ELP2: variants seen among roughly 807,000 people sequenced by gnomAD.
The protein encoded by ELP2 is elongator complex protein 2.
ELP2 carries 90 observed loss-of-function variants against 119.2 expected under a neutral mutation model. The ratio of observed to expected loss-of-function variants is 0.75; its 90% CI spans 0.64 to 0.90. The LOEUF (loss-of-function observed/expected upper bound fraction) is 0.90, where lower values mean the gene tolerates loss of function less well. Among genes scored for constraint, ELP2 ranks in the 40% least tolerant of loss-of-function variants. The pLI is 0.00. For synonymous variants in ELP2, 339 were observed against 331.0 expected, an observed-to-expected ratio of 1.02 and a Z score of -0.26; for missense variants, 921 against 967.8, an observed-to-expected ratio of 0.95 and a Z score of 0.64.
In ELP2 at chr18:36,171,132, T is replaced by C. The variant is rs1407824092; in HGVS notation, c.2296T>C (p.Trp766Arg). The change falls in exon 21 of 22, where the codon TGG (tryptophan) becomes CGG (arginine). Residue 766 changes from tryptophan (W) to arginine (R), a missense_variant. Trp to Arg is a moderately radical substitution (Grantham distance 101, BLOSUM62 -3). Transcript: ENST00000358232. Reference protein sequence around the residue: ...KTDQVPEINDWTHCVETSQSQ... With the variant: ...KTDQVPEINDRTHCVETSQSQ... ...TGATCAAGTTCCAGAAATAAATGAC[T>C]GGACCCACTGTGTAGAAACAAGTCA... 29 of 1,613,578 alleles carry C rather than the reference T, an allele frequency of 1.8e-5. No homozygotes were observed. Among genetic ancestry groups the C allele is most frequent in the Admixed American group, 3.3e-5 (2 of 60,012 alleles).
At chr18:36,149,641 G>A (rs1319216150) in intron 11 of ELP2, among the ~76,000 whole-genome samples, 1 of 151,776 alleles carries the variant, frequency 6.6e-6, no homozygotes, top group East Asian at 1.9e-4. Context: ...AAAAAATATA[G>A]TCATTTTACC....
At chr18:36,173,954 A>T (rs957536286) in intron 21 of ELP2, among the ~76,000 whole-genome samples, 12 of 152,214 alleles carry the variant, frequency 7.9e-5, no homozygotes, top group Admixed American at 6.5e-4. Flanking sequence ...GCCCAAGGTC[A>T]CGCAGTTAGA....
At chr18:36,143,998 C>G (rs538245378) in intron 8 of ELP2, among the ~76,000 whole-genome samples, 1 of 152,236 alleles carries the variant, frequency 6.6e-6, no homozygotes, top group South Asian at 2.1e-4. Context: ...AACAGTATCC[C>G]TGGATGGTAG....
At chr18:36,148,728 G>A (rs192266067) in intron 11 of ELP2, among the ~76,000 whole-genome samples, 4 of 152,310 alleles carry the variant, frequency 2.6e-5, no homozygotes, top group Admixed American at 2.0e-4. Flanking sequence ...TGGGCTTGCA[G>A]CCCTGGGTAT....
In ELP2 at chr18:36,156,648, C is replaced by G; in HGVS notation, c.1458C>G (p.Leu486=). ...CAGGACAATCACTGAATCATGTGCT[C>G]TGTAATGTGAGTATTTCTCTAAATA... ...AITGQSLNHV[L]CNQDSDLPEG... is the part of the protein sequence containing the mutation. Residue 486 remains leucine, a synonymous_variant, in exon 13 of 22, where the codon CTC becomes CTG. Coordinates refer to ENST00000358232, the MANE Select transcript of ELP2 (RefSeq NM_018255.4). 1 of 1,613,590 alleles carries G rather than the reference C, an allele frequency of 6.2e-7. No homozygotes were observed.
At chr18:36,136,642 A>T (rs2089837528) in intron 3 of ELP2, 1 of 400,010 alleles carries the variant, frequency 2.5e-6, no homozygotes, top group Non-Finnish European at 4.5e-6. Context: ...TTTTATTTTA[A>T]GTTTTTTTCT....
intron 11 of ELP2, among the ~76,000 whole-genome samples, chr18:36,146,947 TTAGA>T (rs2090226090): frequency 6.6e-6 from 1 of 152,046 alleles, no homozygotes; most frequent in African/African-American, 2.4e-5. Flanking sequence ...CTTGGGAAAA[TTAGA>T]TAGCAAGAAC....
chr18:36,133,712 ATTTAC>A (rs981750250), intron 2 of ELP2, among the ~76,000 whole-genome samples: 14 of 131,112 alleles, frequency 1.1e-4, no homozygotes, highest in Admixed American at 4.2e-4. Flanking sequence ...TTTTTCTTTT[ATTTAC>A]TTATTTATTT....
At chr18:36,166,421 C>T (rs1183757913) in intron 18 of ELP2, among the ~76,000 whole-genome samples, 1 of 146,010 alleles carries the variant, frequency 6.8e-6, no homozygotes, top group African/African-American at 2.5e-5. Context: ...GCCTCCGCCT[C>T]CTGGGTTCAA....
intron 3 of ELP2, among the ~76,000 whole-genome samples, chr18:36,136,863 C>T (rs546751252): frequency 1.3e-5 from 2 of 152,128 alleles, no homozygotes; most frequent in Admixed American, 6.5e-5. Context: ...TTTTGGCATA[C>T]GAATATAGAT....
chr18:36,138,919 A>G (rs1476214068), intron 5 of ELP2, 47 bp downstream of exon 5: 2 of 1,371,392 alleles, frequency 1.5e-6, no homozygotes, highest in Non-Finnish European at 2.1e-6. Flanking sequence ...ATATTTGCAT[A>G]CTGTCATATG....
At chr18:36,157,819 A>G (rs2144732111) in intron 13 of ELP2, among the ~76,000 whole-genome samples, 1 of 152,294 alleles carries the variant, frequency 6.6e-6, no homozygotes, top group East Asian at 1.9e-4. Context: ...TCAAAAGGGA[A>G]GCCTTAATTG....
intron 13 of ELP2, 28 bp downstream of exon 13, chr18:36,156,682 A>G (rs775463573): frequency 4.4e-6 from 7 of 1,591,652 alleles, no homozygotes; most frequent in Non-Finnish European, 6.0e-6. Flanking sequence ...TATTTTACCT[A>G]AATCTAGTCA....
intron 11 of ELP2, among the ~76,000 whole-genome samples, chr18:36,151,207 C>G (rs534140725): frequency 2.0e-5 from 3 of 152,096 alleles, no homozygotes; most frequent in African/African-American, 7.2e-5. Flanking sequence ...ACCTCCACCT[C>G]CCGAGTAGCT....
Position 36,170,180 on chromosome 18 carries a change from C to T in ELP2, c.2194C>T (p.Leu732Phe). 6.2e-7 allele frequency: 1 copy of T among 1,614,132 alleles called. No individual in the cohort carries two copies. Among genetic ancestry groups the T allele is most frequent in the East Asian group, 2.2e-5 (1 of 44,870 alleles). The change falls in exon 20 of 22, where the codon CTC (leucine) becomes TTC (phenylalanine). Residue 732 changes from leucine to phenylalanine, a missense_variant. Leu to Phe is a conservative substitution (Grantham distance 22, BLOSUM62 0). Transcript: ENST00000358232. ...GACAGCTGTCAGCGTCTGCCCAGTG[C>T]TCCACCCTTCTCAACGGTCAGTCTC... ...AVTAVSVCPV[L>F]HPSQRYVVAV...
chr18:36,158,655 T>G, intron 13 of ELP2, 180 bp from the exon 14 acceptor site: 1 of 557,538 alleles, frequency 1.8e-6, no homozygotes, highest in Non-Finnish European at 3.2e-6. Flanking sequence ...TAGCATTGCA[T>G]TGTTGGTTCA....
chr18:36,160,862 C>G, intron 16 of ELP2, 70 bp from the exon 17 acceptor site: 1 of 1,035,510 alleles, frequency 9.7e-7, no homozygotes, highest in Non-Finnish European at 1.5e-6. Context: ...ATTCTTTTTA[C>G]TTTCAAAAAT....
At chr18:36,172,157 C>A (rs1232270235) in intron 21 of ELP2, among the ~76,000 whole-genome samples, 1 of 152,058 alleles carries the variant, frequency 6.6e-6, no homozygotes, top group Non-Finnish European at 1.5e-5. Flanking sequence ...GTCCCAGCTA[C>A]TTGGGAGGGT....
intron 11 of ELP2, among the ~76,000 whole-genome samples, chr18:36,154,186 G>T (rs753465890): frequency 6.7e-6 from 1 of 150,194 alleles, no homozygotes; most frequent in African/African-American, 2.4e-5. Context: ...TAAAGGTTAA[G>T]TTTTAGTCCC....
Sources: allele counts gnomAD v4.1 joint callset (sites outside exome capture counted in the v4.1 genomes callset), GRCh38; gene constraint gnomAD v4.1.1; transcripts MANE v1.5; gene names NCBI Gene and HGNC (gene_info 2026-07-23, HGNC 2026-07-21).